CCDC194: variants seen among roughly 807,000 people sequenced by gnomAD.
CCDC194 encodes the protein coiled-coil domain-containing protein 194.
A neutral mutation model predicts 4.9 loss-of-function variants in CCDC194; 8 were observed. The observed-to-expected ratio is 1.65, with a 90% CI of 0.97 to 2.97. The LOEUF (loss-of-function observed/expected upper bound fraction) is 2.97, where lower values mean the gene tolerates loss of function less well. Ranked by LOEUF, CCDC194 falls within the 30% of genes most tolerant of loss-of-function variation. The pLI, the probability that CCDC194 is intolerant of heterozygous loss-of-function variation, is 0.00. For missense variants in CCDC194, 52 were observed against 43.1 expected (o/e 1.21, Z -0.58); for synonymous variants, 13 against 17.0 (o/e 0.76, Z 0.58).
exon 1 of CCDC194, chr19:17,394,095 C>A: frequency 2.6e-6 from 1 of 392,098 alleles, no homozygotes; most frequent in Non-Finnish European, 4.5e-6. Context: ...GCCAGGAACA[C>A]GGCCACCCCG....
rs116628306 is a variant in CCDC194 at position 17,392,810 on chromosome 19, C to T, written c.325-964G>A. ...TGGGATCTCAGCTCACTGCAACCTC[C>T]GCCTGGGATTACAAGCATGCGCCAT... On this transcript the variant is annotated intron_variant, in intron 1 of 3. Transcript: ENST00000636079. 6.6e-3 allele frequency among the ~76,000 whole-genome samples: 1,002 copies of T among 152,274 alleles called. 8 individuals are homozygous for T. The highest frequency in any genetic ancestry group is 0.023 in the African/African-American group (949 of 41,562).
downstream of CCDC194, among the ~76,000 whole-genome samples, chr19:17,388,921 C>T (rs1395301188): frequency 6.6e-6 from 1 of 152,096 alleles, no homozygotes; most frequent in Non-Finnish European, 1.5e-5. Context: ...TCACTGCAAA[C>T]TTGACGTCCT....
At chr19:17,391,378 T>TACCCCCCC in intron 2 of CCDC194, 35 bp from the exon 3 acceptor site, 1 of 501,586 alleles carries the variant, frequency 2.0e-6, no homozygotes, top group East Asian at 3.5e-5. Flanking sequence ...GGCTGGAGAC[T>TACCCCCCC]CCCGCGCCCA....
rs1012081384 is a variant in CCDC194, at chr19:17,391,980, G to A, written c.325-134C>T. 5 of 833,986 alleles carry A rather than the reference G, an allele frequency of 6.0e-6. No homozygotes were observed. In the Admixed American group the frequency reaches 1.4e-4, roughly 23 times the overall value. 51.7% of individuals were successfully genotyped at this position (833,986 alleles called of 1,614,324 possible). Reference sequence around the variant, plus strand: ...AGCTTTGTGTGGAATGTCCTTTGGGGCCTTGTAGTTGTAAAATACAGAAGT... The same window carrying A: ...AGCTTTGTGTGGAATGTCCTTTGGGACCTTGTAGTTGTAAAATACAGAAGT... On this transcript the variant is annotated intron_variant, in intron 1 of 3. Coordinates refer to ENST00000636079, the Ensembl canonical transcript of CCDC194.
intron 1 of CCDC194, 95 bp from the exon 2 acceptor site, chr19:17,391,941 G>A: frequency 1.7e-6 from 2 of 1,157,290 alleles, no homozygotes; most frequent in Non-Finnish European, 2.3e-6. Flanking sequence ...AGCCACCTGC[G>A]ACCCTGTGTC....
downstream of CCDC194, chr19:17,390,429 G>C (rs1163262929): frequency 2.6e-6 from 1 of 382,074 alleles, no homozygotes; most frequent in Non-Finnish European, 4.6e-6. The surrounding 1 kb of genome is among the most constrained non-coding windows in gnomAD (Gnocchi z 5.5). Context: ...CAGCGTGGGG[G>C]TGCCTCTATA....
intron 2 of CCDC194, 180 bp from the exon 3 acceptor site, chr19:17,391,523 T>C (rs2074654718): frequency 9.7e-7 from 1 of 1,027,906 alleles, no homozygotes; most frequent in South Asian, 1.7e-5. Context: ...TAGGTTTGCA[T>C]TGCTTTCGTG....
At chr19:17,392,079 C>T (rs1031100677) in intron 1 of CCDC194, 12 of 445,550 alleles carry the variant, frequency 2.7e-5, no homozygotes, top group Admixed American at 2.4e-4. Flanking sequence ...GGTCCAACGC[C>T]ACCAACCCTA....
chr19:17,391,197 A>G lies in CCDC194; in HGVS notation c.554+14T>C. Reference sequence around the variant, plus strand: ...GTCCATCCGACCCCGCCCTCGGGCCAGCCCCTCACTCACAGGCGTTCGCGC... The same window carrying G: ...GTCCATCCGACCCCGCCCTCGGGCCGGCCCCTCACTCACAGGCGTTCGCGC... On this transcript the variant is annotated intron_variant, in intron 3 of 3. Coordinates refer to ENST00000636079, the Ensembl canonical transcript of CCDC194. The G allele has an allele frequency of 7.5e-6, 3 of 397,880 alleles. No homozygotes were observed. Among genetic ancestry groups the G allele is most frequent in the Non-Finnish European group, 1.3e-5 (3 of 225,858 alleles). 24.6% of individuals were successfully genotyped at this position (397,880 alleles called of 1,614,324 possible). A position where few individuals can be genotyped will look rare whatever the true frequency, so the allele number is the denominator to read the frequency against.
chr19:17,390,213 C>T (rs2074648819), downstream of CCDC194, among the ~76,000 whole-genome samples: 2 of 152,140 alleles, frequency 1.3e-5, no homozygotes, highest in South Asian at 2.1e-4. This position sits in a 1 kb window ranked among gnomAD's most constrained non-coding sequence, Gnocchi z 5.5. Flanking sequence ...ACCTCCAGTC[C>T]TCATATCTGT....
At position 17,391,096 on chromosome 19, in the gene CCDC194, C is replaced by CTT; in HGVS notation, c.554+114_554+115insAA. 3 of 344,664 alleles carry CTT rather than the reference C, an allele frequency of 8.7e-6. No homozygotes were observed. The South Asian group carries it at 4.9e-4, about 56-fold the overall frequency. The allele number at this position is 344,664 out of a possible 1,614,324, so 21.4% of individuals were successfully genotyped here. Reference sequence around the variant, plus strand: ...TATTAAATCAACAATGCCCCCCCCCCACCACAATTCCACGCCCAAAGTAAT... The same window carrying CTT: ...TATTAAATCAACAATGCCCCCCCCCCTTACCACAATTCCACGCCCAAAGTAAT... On this transcript the variant is annotated intron_variant, in intron 3 of 3. Transcript: ENST00000636079.
chr19:17,389,479 T>C (rs545768558), downstream of CCDC194, among the ~76,000 whole-genome samples: 2 of 152,040 alleles, frequency 1.3e-5, no homozygotes, highest in African/African-American at 4.8e-5. Context: ...CTTGTGTAAT[T>C]GCATTGGCTT....
At chr19:17,392,270 C>T (rs1022212796) in intron 1 of CCDC194, 47 of 152,292 alleles carry the variant, frequency 3.1e-4, no homozygotes, top group African/African-American at 1.1e-3. Flanking sequence ...GCCAGGAGTT[C>T]GAGACTAGCC....
At chr19:17,391,991 G>T in intron 1 of CCDC194, 145 bp from the exon 2 acceptor site, 5 of 746,916 alleles carry the variant, frequency 6.7e-6, no homozygotes, top group Non-Finnish European at 1.0e-5. Context: ...CCTTGTAGTT[G>T]TAAAATACAG....
chr19:17,389,052 C>G (rs1455087341), downstream of CCDC194, among the ~76,000 whole-genome samples: 1 of 152,094 alleles, frequency 6.6e-6, no homozygotes, highest in African/African-American at 2.4e-5. Context: ...GGTGCCCAGG[C>G]TGGTCTTGAA....
chr19:17,394,110 G>A, exon 1 of CCDC194: 1 of 393,216 alleles, frequency 2.5e-6, no homozygotes, highest in Non-Finnish European at 4.5e-6. Context: ...ACCCCGCACA[G>A]GGCGAGCACC....
At chr19:17,390,461 C>CG (rs2074649868), downstream of CCDC194, 1 of 391,796 alleles carries the variant, frequency 2.6e-6, no homozygotes, top group African/African-American at 2.1e-5. The surrounding 1 kb of genome is among the most constrained non-coding windows in gnomAD (Gnocchi z 5.5). Flanking sequence ...AGACCCCCCC[C>CG]CCATATGTGT....
In CCDC194 at chr19:17,390,556, C is replaced by CGGAGCGAGAGCG; in HGVS notation, c.646_657dup (p.Arg216_Ser219dup). On this transcript the variant is annotated inframe_insertion, in exon 4 of 4. Coordinates refer to ENST00000636079, the Ensembl canonical transcript of CCDC194. The surrounding 1 kb of genome is among the most constrained non-coding windows in gnomAD (Gnocchi z 5.5). ...GGCCGCCGGCAGCCCCCGGAGGGTC[C>CGGAGCGAGAGCG]GGAGCGAGAGCGCGAGCGAGGGCTG... 5.0e-6 allele frequency: 2 copies of CGGAGCGAGAGCG among 397,078 alleles called. No homozygotes were observed. The highest frequency in any genetic ancestry group is 8.9e-6 in the Non-Finnish European group (2 of 225,064). 24.6% of individuals were successfully genotyped at this position (397,078 alleles called of 1,614,324 possible). A position where few individuals can be genotyped will look rare whatever the true frequency, so the allele number is the denominator to read the frequency against.
At chr19:17,391,666 G>A (rs559668049) in intron 2 of CCDC194, 84 bp downstream of exon 2, 1 of 1,534,618 alleles carries the variant, frequency 6.5e-7, no homozygotes, top group Non-Finnish European at 8.7e-7. Context: ...CATTACGTTT[G>A]CAACTGTGCT....
Sources: gnomAD v4.1 joint callset for allele counts (sites outside exome capture counted in the v4.1 genomes callset) on GRCh38, gnomAD v4.1.1 for gene constraint, Gnocchi (gnomAD v3.1) non-coding constraint, MANE v1.5 for transcripts, NCBI Gene and HGNC (gene_info 2026-07-23, HGNC 2026-07-21) for gene names.